Variants in PIEZO2 observed in about 807,000 individuals in gnomAD.
The protein encoded by PIEZO2 is piezo type mechanosensitive ion channel component 2, also known as piezo-type mechanosensitive ion channel component 2.
In PIEZO2, 172 loss-of-function variants were observed where a neutral mutation model predicts 337.3. The ratio of observed to expected loss-of-function variants is 0.51; its 90% CI spans 0.45 to 0.58. The LOEUF (loss-of-function observed/expected upper bound fraction) is 0.58. Ranked by LOEUF, PIEZO2 falls within the 20% of genes least tolerant of loss-of-function variation. The pLI, the probability that PIEZO2 is intolerant of heterozygous loss-of-function variation, is 0.00. For synonymous variants in PIEZO2, 1,251 were observed against 1,228.5 expected (o/e 1.02, Z -0.38); for missense variants, 3,028 against 3,391.3 (o/e 0.89, Z 2.66).
At chr18:11,134,828 T>C (rs920759111) in intron 1 of PIEZO2, among the ~76,000 whole-genome samples, 3 of 152,042 alleles carry the variant, frequency 2.0e-5, no homozygotes, top group African/African-American at 4.8e-5. Context: ...TGTTTCCCAA[T>C]AGGAATTACA....
chr18:10,852,814 T>C (rs1205842426), intron 7 of PIEZO2, among the ~76,000 whole-genome samples: 3 of 152,140 alleles, frequency 2.0e-5, no homozygotes, highest in South Asian at 2.1e-4. Flanking sequence ...CAGAGGTAAG[T>C]GGTCAGGCAT....
At position 10,748,599 on chromosome 18, in the gene PIEZO2, A is replaced by G. The variant is rs1283729549; in HGVS notation, c.4296T>C (p.Ser1432=). 1 of 1,528,786 alleles carries G rather than the reference A, an allele frequency of 6.5e-7. No homozygotes were observed. The highest frequency in any genetic ancestry group is 1.4e-5 in the African/African-American group (1 of 72,792). The allele number at this position is 1,528,786 out of a possible 1,614,324, so 94.7% of individuals were successfully genotyped here. Residue 1432 remains serine, a synonymous_variant, in exon 30 of 56, where the codon AGT becomes AGC. Coordinates refer to ENST00000674853, the MANE Select transcript of PIEZO2 (RefSeq NM_001378183.1). The surrounding 1 kb of genome is among the most constrained non-coding windows in gnomAD (Gnocchi z 5.1). ...TGTCCCAAATGATTCCTGCTTCCCCACTGGGAAGTGTACAGGGTGAATTAG... is the reference window on the plus strand; with the variant it reads ...TGTCCCAAATGATTCCTGCTTCCCCGCTGGGAAGTGTACAGGGTGAATTAG... ...PAANSPCTLP[S]GEAGIIWDSI...
Position 10,780,325 on chromosome 18 carries a change from C to A in PIEZO2, c.2534G>T (p.Ser845Ile). 2 of 702,820 alleles carry A rather than the reference C, an allele frequency of 2.8e-6. No individual in the cohort carries two copies. Among genetic ancestry groups the A allele is most frequent in the East Asian group, 5.4e-5 (2 of 37,278 alleles). 43.5% of individuals were successfully genotyped at this position (702,820 alleles called of 1,614,324 possible). A position where few individuals can be genotyped will look rare whatever the true frequency, so the allele number is the denominator to read the frequency against. Reference sequence around the variant, plus strand: ...AGAGAGAAAACATTGAAGTACCCACCTATTTATTATTAGATATACGCGACC... The same window carrying A: ...AGAGAGAAAACATTGAAGTACCCACATATTTATTATTAGATATACGCGACC... ...VNGRVYLIIN[S>I]IKKKLPIHQN... Residue 845 changes from serine (S) to isoleucine (I), a missense_variant and splice_region_variant, in exon 18 of 56, where the codon AGC becomes ATC. Physicochemically the swap from Ser to Ile is moderately radical, Grantham distance 142. Around this residue, in one of 5 missense-constraint regions of PIEZO2, gnomAD observed 1,925 missense variants for 2,051.9 expected, o/e 0.94. Transcript: ENST00000674853.
intron 7 of PIEZO2, among the ~76,000 whole-genome samples, chr18:10,843,331 A>C (rs2041251237): frequency 6.6e-6 from 1 of 151,942 alleles, no homozygotes; most frequent in Non-Finnish European, 1.5e-5. Context: ...ACACTTTCCA[A>C]TAAAAAGTTT....
At chr18:11,062,250 A>G (rs2037990856) in intron 2 of PIEZO2, among the ~76,000 whole-genome samples, 1 of 152,152 alleles carries the variant, frequency 6.6e-6, no homozygotes, top group East Asian at 1.9e-4. Context: ...CCTTATACAA[A>G]AATTAATTCA....
chr18:10,755,900 G>A (rs2037819799), intron 27 of PIEZO2, among the ~76,000 whole-genome samples: 1 of 151,502 alleles, frequency 6.6e-6, no homozygotes, highest in South Asian at 2.1e-4. Context: ...ATAAGGATGA[G>A]GGATAGAGGG....
intron 1 of PIEZO2, among the ~76,000 whole-genome samples, chr18:11,144,164 A>C (rs1029846149): frequency 5.9e-5 from 9 of 152,208 alleles, no homozygotes; most frequent in African/African-American, 2.2e-4. Context: ...ACACACACTT[A>C]CAAAGCAACA....
chr18:10,932,740 T>C lies in PIEZO2; in HGVS notation c.287-21512A>G, dbSNP rs114375542. 1.0e-2 allele frequency among the ~76,000 whole-genome samples: 1,514 copies of C among 151,948 alleles called. 32 individuals carry two copies. The highest frequency in any genetic ancestry group is 0.034 in the African/African-American group (1,415 of 41,448). On this transcript the variant is annotated intron_variant, in intron 3 of 55. Coordinates refer to ENST00000674853, the MANE Select transcript of PIEZO2 (RefSeq NM_001378183.1). The stretch of plus-strand genomic sequence containing the variant: ...GAGTTCAAGACCAGCTTGGGCAACA[T>C]AGGGAGACCCATCTTTACAAAATAA...
rs1016603305 is a variant in PIEZO2 at position 11,078,862 on chromosome 18, T to C, written c.65-12640A>G. 2.6e-5 allele frequency among the ~76,000 whole-genome samples: 4 copies of C among 152,212 alleles called. No individual in the cohort carries two copies. Among genetic ancestry groups the C allele is most frequent in the Non-Finnish European group, 5.9e-5 (4 of 68,036 alleles). ...ATCACAGAGTCTGTGTTACTGAGAA[T>C]GGAGAGGGGTGAAAAAGAATCCTTG... On this transcript the variant is annotated intron_variant, in intron 1 of 55. Coordinates refer to ENST00000674853, the MANE Select transcript of PIEZO2 (RefSeq NM_001378183.1). The surrounding 1 kb of genome is among the most constrained non-coding windows in gnomAD (Gnocchi z 5.3).
rs1342612987 is a variant in PIEZO2 at position 10,759,233 on chromosome 18, G to A, written c.3757+249C>T. 5.3e-5 allele frequency among the ~76,000 whole-genome samples: 8 copies of A among 150,872 alleles called. No individual in the cohort carries two copies. In the East Asian group the frequency reaches 1.4e-3, roughly 26 times the overall value. ...TGTGTGTGTGTGTGTGTGTGTTTGT[G>A]TGTGTGTGTTGGGGGAAGTGAAATT... On this transcript the variant is annotated intron_variant, in intron 26 of 55. Coordinates refer to ENST00000674853, the MANE Select transcript of PIEZO2 (RefSeq NM_001378183.1). The surrounding 1 kb of genome is among the most constrained non-coding windows in gnomAD (Gnocchi z 5.5).
chr18:10,965,729 C>CTTTTTGT (rs2033969573), intron 3 of PIEZO2, among the ~76,000 whole-genome samples: 3 of 152,060 alleles, frequency 2.0e-5, no homozygotes, highest in Admixed American at 2.0e-4. Context: ...TCAAAACCAC[C>CTTTTTGT]CAGGGAAAGA....
chr18:10,874,275 C>T (rs999713638), intron 4 of PIEZO2, among the ~76,000 whole-genome samples: 1 of 151,982 alleles, frequency 6.6e-6, no homozygotes, highest in African/African-American at 2.4e-5. Flanking sequence ...GTTATCCTCT[C>T]ACCCTAGTTA....
At position 11,081,605 on chromosome 18, in the gene PIEZO2, C is replaced by T. The variant is rs140367892; in HGVS notation, c.65-15383G>A. Among the ~76,000 whole-genome samples, 5 of 152,246 alleles carry T rather than the reference C, an allele frequency of 3.3e-5. No homozygotes were observed. The South Asian group carries it at 6.2e-4, about 19-fold the overall frequency. ...GGGGCCACTTCTCAGCCAGAGGGAC[C>T]GAGTTCCCAGTGCTAACCCAGCATG... On this transcript the variant is annotated intron_variant, in intron 1 of 55. Coordinates refer to ENST00000674853, the MANE Select transcript of PIEZO2 (RefSeq NM_001378183.1).
At position 11,094,684 on chromosome 18, in the gene PIEZO2, T is replaced by G. The variant is rs531646430; in HGVS notation, c.65-28462A>C. ...TAAAGTGAAGAAATTCCTTTTGAAT[T>G]TTTCTGTACAGATTCTAACAGGAAA... On this transcript the variant is annotated intron_variant, in intron 1 of 55. Transcript: ENST00000674853. The surrounding 1 kb of genome is among the most constrained non-coding windows in gnomAD (Gnocchi z 4.4). 7.6e-4 allele frequency among the ~76,000 whole-genome samples: 115 copies of G among 152,310 alleles called. No individual in the cohort carries two copies. Among genetic ancestry groups the G allele is most frequent in the African/African-American group, 2.6e-3 (109 of 41,568 alleles).
chr18:11,059,200 A>G (rs11080476), intron 2 of PIEZO2, among the ~76,000 whole-genome samples: 97,770 of 151,936 alleles, frequency 0.64, 32,044 homozygotes, highest in East Asian at 0.93. Flanking sequence ...ACAGACAAGC[A>G]AATGCTGAGA....
At chr18:10,852,294 T>C (rs1255872705) in intron 7 of PIEZO2, among the ~76,000 whole-genome samples, 1 of 152,196 alleles carries the variant, frequency 6.6e-6, no homozygotes, top group Admixed American at 6.5e-5. Context: ...GCCAGGCTAA[T>C]ACAATCAACT....
At chr18:11,071,007 T>C (rs8090641) in intron 1 of PIEZO2, among the ~76,000 whole-genome samples, 23,916 of 152,156 alleles carry the variant, frequency 0.16, 2,887 homozygotes, top group African/African-American at 0.34. Context: ...CCTGCTTCCA[T>C]GGCTGATTCT....
In PIEZO2 at chr18:11,096,520, C is replaced by T. The variant is rs1203438446; in HGVS notation, c.65-30298G>A. Among the ~76,000 whole-genome samples, 1 of 152,168 alleles carries T rather than the reference C, an allele frequency of 6.6e-6. No homozygotes were observed. The highest frequency in any genetic ancestry group is 1.5e-5 in the Non-Finnish European group (1 of 68,020). On this transcript the variant is annotated intron_variant, in intron 1 of 55. Transcript: ENST00000674853. The surrounding 1 kb of genome is among the most constrained non-coding windows in gnomAD (Gnocchi z 4.6). ...CCTCATTGATAAAACTGAAATGACGCTTTACTAAGCATTCTCTGTGGCCAT... is the reference window on the plus strand; with the variant it reads ...CCTCATTGATAAAACTGAAATGACGTTTTACTAAGCATTCTCTGTGGCCAT...
Position 11,127,495 on chromosome 18 carries a change from G to A in PIEZO2, c.64+21030C>T, listed in dbSNP as rs531428498. On this transcript the variant is annotated intron_variant, in intron 1 of 55. Coordinates refer to ENST00000674853, the MANE Select transcript of PIEZO2 (RefSeq NM_001378183.1). This position sits in a 1 kb window ranked among gnomAD's most constrained non-coding sequence, Gnocchi z 4.5. ...GAATATAAAGAAGGTAGGAAAACGTGACAAGGAGGGACAGGCCTAGTCTCC... is the reference window on the plus strand; with the variant it reads ...GAATATAAAGAAGGTAGGAAAACGTAACAAGGAGGGACAGGCCTAGTCTCC... Among the ~76,000 whole-genome samples, 2 of 152,098 alleles carry A rather than the reference G, an allele frequency of 1.3e-5. No homozygotes were observed. Among genetic ancestry groups the A allele is most frequent in the Non-Finnish European group, 2.9e-5 (2 of 68,000 alleles).
Sources: gnomAD v4.1 joint callset for allele counts (sites outside exome capture counted in the v4.1 genomes callset) on GRCh38, gnomAD v4.1.1 for gene constraint, gnomAD v4.1.1 regional missense constraint, Gnocchi (gnomAD v3.1) non-coding constraint, MANE v1.5 for transcripts, NCBI Gene and HGNC (gene_info 2026-07-23, HGNC 2026-07-21) for gene names.